The following GRK5 variants were observed in gnomAD, a reference collection of about 807,000 sequenced individuals.
GRK5 encodes g protein-coupled receptor kinase GRK5.
Under a neutral mutation model 78.4 loss-of-function variants are expected in GRK5, and 40 were observed. The observed-to-expected ratio is 0.51, with a 90% CI of 0.40 to 0.66. The LOEUF (loss-of-function observed/expected upper bound fraction) is 0.66, where lower values mean the gene tolerates loss of function less well. Among genes scored for constraint, GRK5 ranks in the 30% least tolerant of loss-of-function variants. GRK5 has a pLI of 0.00. For synonymous variants in GRK5, 289 were observed against 296.8 expected, an observed-to-expected ratio of 0.97 and a Z score of 0.27; for missense variants, 598 against 759.9, an observed-to-expected ratio of 0.79 and a Z score of 2.50.
intron 4 of GRK5, among the ~76,000 whole-genome samples, chr10:119,415,926 C>T (rs1223860451): frequency 1.3e-5 from 2 of 152,170 alleles, no homozygotes; most frequent in African/African-American, 4.8e-5. Context: ...CTGGAGGGTC[C>T]TCTGATCTCC....
intron 3 of GRK5, among the ~76,000 whole-genome samples, chr10:119,383,813 A>G (rs900147415): frequency 1.7e-4 from 26 of 152,052 alleles, no homozygotes; most frequent in African/African-American, 5.6e-4. Context: ...CTTGTACTAG[A>G]TCCATTGTTT....
At chr10:119,356,929 C>A (rs61874543) in intron 2 of GRK5, among the ~76,000 whole-genome samples, 1,580 of 152,370 alleles carry the variant, frequency 0.01, 18 homozygotes, top group South Asian at 0.018. Context: ...TCTTTAGCAA[C>A]TGACCAGTGC....
intron 3 of GRK5, among the ~76,000 whole-genome samples, chr10:119,386,911 CTG>C (rs1851807893): frequency 6.6e-6 from 1 of 152,234 alleles, no homozygotes; most frequent in African/African-American, 2.4e-5. Flanking sequence ...TCCCATCTCT[CTG>C]TTGAATTTCT....
chr10:119,405,080 A>AG lies in GRK5; in HGVS notation c.339+8314dup, dbSNP rs754867173. Among the ~76,000 whole-genome samples the AG allele has an allele frequency of 4.6e-5, 7 of 152,284 alleles. No homozygotes were observed. In the East Asian group the frequency reaches 1.2e-3, roughly 25 times the overall value. On this transcript the variant is annotated intron_variant, in intron 4 of 15. Transcript: ENST00000392870. ...CCACCGCAATTACTAAGGTCTGGCA[A>AG]GGGGGGTGCCAGTTTTGATGTGGCT...
chr10:119,402,211 T>A (rs966779241), intron 4 of GRK5, among the ~76,000 whole-genome samples: 1 of 152,168 alleles, frequency 6.6e-6, no homozygotes, highest in African/African-American at 2.4e-5. Flanking sequence ...TACATTCCCA[T>A]CCCTCGAGCC....
chr10:119,357,915 G>A (rs900756615), intron 2 of GRK5, among the ~76,000 whole-genome samples: 3 of 152,296 alleles, frequency 2.0e-5, no homozygotes, highest in Admixed American at 1.3e-4. Context: ...TTTGGACAAG[G>A]TGCAGCGGCA....
intron 2 of GRK5, among the ~76,000 whole-genome samples, chr10:119,354,487 G>C (rs1457178915): frequency 7.2e-6 from 1 of 139,756 alleles, no homozygotes; most frequent in Non-Finnish European, 1.5e-5. Context: ...CTGCAGCCTC[G>C]ACCTTCCAGG....
Position 119,296,026 on chromosome 10 carries a change from A to G in GRK5, c.53-30490A>G, listed in dbSNP as rs1589728307. ...TAAGGCTTGATTACAAATGGTTTAA[A>G]CAATAGCAAATGTTTATCATCCCAC... On this transcript the variant is annotated intron_variant, in intron 1 of 15. Transcript: ENST00000392870. Among the ~76,000 whole-genome samples the G allele has an allele frequency of 2.6e-5, 4 of 152,380 alleles. 1 individual carries two copies. In the South Asian group the frequency reaches 8.3e-4, roughly 32 times the overall value.
intron 3 of GRK5, among the ~76,000 whole-genome samples, chr10:119,393,288 C>T (rs1054650412): frequency 2.0e-5 from 3 of 152,290 alleles, no homozygotes; most frequent in African/African-American, 7.2e-5. Context: ...TCCCCGCGTG[C>T]TCCCTCTGCC....
chr10:119,449,854 G>C (rs1269381230), intron 13 of GRK5, among the ~76,000 whole-genome samples: 6 of 152,196 alleles, frequency 3.9e-5, no homozygotes, highest in Non-Finnish European at 8.8e-5. Context: ...TGAGCAGGCA[G>C]GGGGAGGATG....
intron 1 of GRK5, among the ~76,000 whole-genome samples, chr10:119,304,261 C>G (rs1206555159): frequency 7.0e-6 from 1 of 143,670 alleles, no homozygotes; most frequent in East Asian, 2.1e-4. Context: ...AGGGCAACAG[C>G]AGTATGCTAA....
Position 119,326,508 on chromosome 10 carries a change from C to T in GRK5, c.53-8C>T. 1 of 1,612,538 alleles carries T rather than the reference C, an allele frequency of 6.2e-7. No individual in the cohort carries two copies. Among genetic ancestry groups the T allele is most frequent in the Non-Finnish European group, 8.5e-7 (1 of 1,178,692 alleles). On this transcript the variant is annotated splice_polypyrimidine_tract_variant and splice_region_variant and intron_variant, in intron 1 of 15. Transcript: ENST00000392870. ...CTCAGCCAGGCATCTTTTTCCCCAT[C>T]TCTGCAGGGGGCGGAGGAAAGCGCA...
chr10:119,284,938 G>T (rs143759738), intron 1 of GRK5, among the ~76,000 whole-genome samples: 1 of 152,242 alleles, frequency 6.6e-6, no homozygotes, highest in African/African-American at 2.4e-5. Flanking sequence ...CTGCCTGGAG[G>T]ACTTGCCAGT....
At chr10:119,352,091 T>C (rs1305080621) in intron 2 of GRK5, among the ~76,000 whole-genome samples, 2 of 152,220 alleles carry the variant, frequency 1.3e-5, no homozygotes, top group Non-Finnish European at 2.9e-5. Flanking sequence ...GAATGTCCCA[T>C]GGGTCAGATA....
chr10:119,215,249 A>G (rs1184175699), intron 1 of GRK5, among the ~76,000 whole-genome samples: 3 of 152,210 alleles, frequency 2.0e-5, no homozygotes, highest in Non-Finnish European at 2.9e-5. Context: ...ATGTGTGGCT[A>G]GTGGCCATTG....
chr10:119,335,419 A>C (rs567994862), intron 2 of GRK5, among the ~76,000 whole-genome samples: 1 of 151,926 alleles, frequency 6.6e-6, no homozygotes, highest in Non-Finnish European at 1.5e-5. Context: ...GCTGGAGTGC[A>C]GTGGTGTAAT....
rs562509895 is a variant in GRK5 at position 119,363,289 on chromosome 10, A to C, written c.149-17526A>C. Among the ~76,000 whole-genome samples the C allele has an allele frequency of 1.4e-4, 22 of 152,052 alleles. No individual in the cohort carries two copies. The South Asian group carries it at 4.6e-3, about 32-fold the overall frequency. ...AGAGTGAAACTGTCTCAAAAAAAAA[A>C]AAAAACAACAAACAGTAGTTTCTGA... is the stretch of plus-strand genomic sequence containing the variant. On this transcript the variant is annotated intron_variant, in intron 2 of 15. Coordinates refer to ENST00000392870, the MANE Select transcript of GRK5 (RefSeq NM_005308.3).
intron 1 of GRK5, among the ~76,000 whole-genome samples, chr10:119,220,975 A>G (rs1012227285): frequency 2.0e-5 from 3 of 152,106 alleles, no homozygotes; most frequent in Non-Finnish European, 4.4e-5. Flanking sequence ...CCAACATGGC[A>G]AAACCCTGTC....
In GRK5 at chr10:119,264,960, C is replaced by T. The variant is rs1849470571; in HGVS notation, c.52+56991C>T. ...GAGCTCAGTGTCCTGTTGGGAAGGC[C>T]GACTCAGAGACAGCTTTCATTCTTT... On this transcript the variant is annotated intron_variant, in intron 1 of 15. Transcript: ENST00000392870. The surrounding 1 kb of genome is among the most constrained non-coding windows in gnomAD (Gnocchi z 4.1). Among the ~76,000 whole-genome samples the T allele has an allele frequency of 6.6e-6, 1 of 152,182 alleles. No homozygotes were observed.
Sources: allele counts gnomAD v4.1 joint callset (sites outside exome capture counted in the v4.1 genomes callset), GRCh38; gene constraint gnomAD v4.1.1; non-coding constraint Gnocchi (gnomAD v3.1); transcripts MANE v1.5; gene names NCBI Gene and HGNC (gene_info 2026-07-23, HGNC 2026-07-21).